CYP2C18: variants seen among roughly 807,000 people sequenced by gnomAD.
The protein encoded by CYP2C18 is cytochrome P450 family 2 subfamily C member 18, also known as cytochrome P450 2C18.
A neutral mutation model predicts 41.3 loss-of-function variants in CYP2C18; 38 were observed. That is an observed-to-expected ratio of 0.92 (90% confidence interval 0.71 to 1.21). The LOEUF (loss-of-function observed/expected upper bound fraction) is 1.21. Ranked by LOEUF, CYP2C18 falls within the 50% of genes most tolerant of loss-of-function variation. The pLI, the probability that CYP2C18 is intolerant of heterozygous loss-of-function variation, is 0.00. For synonymous variants in CYP2C18, 236 were observed against 210.0 expected (o/e 1.12, Z -1.07); for missense variants, 635 against 591.4 (o/e 1.07, Z -0.77).
chr10:94,713,589 A>G (rs1177200562), intron 5 of CYP2C18, among the ~76,000 whole-genome samples: 1 of 152,198 alleles, frequency 6.6e-6, no homozygotes, highest in African/African-American at 2.4e-5. Flanking sequence ...ACTGATGGAC[A>G]TTTGGGTTGG....
chr10:94,716,173 T>C (rs1465116968), intron 5 of CYP2C18, among the ~76,000 whole-genome samples: 2 of 152,190 alleles, frequency 1.3e-5, no homozygotes, highest in African/African-American at 4.8e-5. Flanking sequence ...TTTTTGTGTC[T>C]CTATCTCCTT....
At chr10:94,698,222 T>C (rs1847160827) in intron 4 of CYP2C18, among the ~76,000 whole-genome samples, 1 of 152,180 alleles carries the variant, frequency 6.6e-6, no homozygotes, top group Non-Finnish European at 1.5e-5. Context: ...ATTGACCACA[T>C]AGTTGGAAGT....
intron 4 of CYP2C18, 51 bp from the exon 5 acceptor site, chr10:94,706,733 T>G (rs558824480): frequency 9.7e-7 from 1 of 1,031,386 alleles, no homozygotes; most frequent in Admixed American, 2.6e-5. Context: ...ACTTATGGCA[T>G]ATGTCTTCAA....
chr10:94,687,287 A>G, intron 1 of CYP2C18, among the ~76,000 whole-genome samples: 1 of 152,148 alleles, frequency 6.6e-6, no homozygotes, highest in Non-Finnish European at 1.5e-5. Context: ...AGTATTGATG[A>G]CAGGACTCCT....
In CYP2C18 at chr10:94,687,834, A is replaced by G. The variant is rs1846918723; in HGVS notation, c.233A>G (p.His78Arg). Residue 78 changes from histidine to arginine, a missense_variant, in exon 2 of 9, where the codon CAT becomes CGT. His to Arg is a conservative substitution (Grantham distance 29, BLOSUM62 0). Transcript: ENST00000285979. ...GGCCTGAAGCCCATTGTGGTGTTGC[A>G]TGGATATGAAGCAGTGAAGGAGGCC... is the stretch of plus-strand genomic sequence containing the variant. ...YFGLKPIVVL[H>R]GYEAVKEALI... is the part of the protein sequence containing the mutation. 1.9e-6 allele frequency: 3 copies of G among 1,613,708 alleles called. No homozygotes were observed. Among genetic ancestry groups the G allele is most frequent in the Admixed American group, 3.3e-5 (2 of 59,962 alleles).
chr10:94,709,089 C>T (rs991732359), intron 5 of CYP2C18, among the ~76,000 whole-genome samples: 1 of 152,104 alleles, frequency 6.6e-6, no homozygotes, highest in African/African-American at 2.4e-5. Context: ...ATATACTTGG[C>T]TGCAGAATTG....
intron 4 of CYP2C18, among the ~76,000 whole-genome samples, chr10:94,700,725 C>G (rs1847222424): frequency 6.6e-6 from 1 of 152,194 alleles, no homozygotes. Context: ...ATCTACTCAT[C>G]TGACAAAAGG....
chr10:94,731,255 C>T (rs529839648), intron 7 of CYP2C18, among the ~76,000 whole-genome samples: 10 of 152,206 alleles, frequency 6.6e-5, no homozygotes, highest in African/African-American at 2.4e-4. Flanking sequence ...TGGCAAGTGC[C>T]TGTAGTCCCA....
rs181238238 is a variant in CYP2C18 at position 94,719,381 on chromosome 10, C to T, written c.820-1015C>T. 5.3e-5 allele frequency among the ~76,000 whole-genome samples: 8 copies of T among 151,880 alleles called. No homozygotes were observed. In the South Asian group the frequency reaches 1.0e-3, roughly 20 times the overall value. ...AGGTGCCTGCCATTTTTGATCCCCA[C>T]GCTTACAACATGAACCTTCATCTTG... On this transcript the variant is annotated intron_variant, in intron 5 of 8. Coordinates refer to ENST00000285979, the MANE Select transcript of CYP2C18 (RefSeq NM_000772.3).
intron 1 of CYP2C18, among the ~76,000 whole-genome samples, chr10:94,684,896 G>A (rs890307130): frequency 1.3e-5 from 2 of 152,020 alleles, no homozygotes; most frequent in African/African-American, 4.8e-5. Context: ...TATGAGTTGT[G>A]ATGAGTTATC....
At chr10:94,694,845 T>C in intron 3 of CYP2C18, 72 bp from the exon 4 acceptor site, 1 of 1,510,948 alleles carries the variant, frequency 6.6e-7, no homozygotes, top group Non-Finnish European at 9.0e-7. Flanking sequence ...AAAAATACTT[T>C]TTCCTGTATC....
At chr10:94,699,072 C>G (rs1198626272) in intron 4 of CYP2C18, among the ~76,000 whole-genome samples, 1 of 152,144 alleles carries the variant, frequency 6.6e-6, no homozygotes, top group African/African-American at 2.4e-5. Context: ...TGGTACCATT[C>G]CTTCTGAAAC....
Position 94,712,008 on chromosome 10 carries a change from A to ATTTTTTTTTTTTTTTTTTTTTTTTTTT in CYP2C18, c.819+5068_819+5069insTTTTTTTTTTTTTTTTTTTTTTTTTTT, listed in dbSNP as rs35672164. Among the ~76,000 whole-genome samples the ATTTTTTTTTTTTTTTTTTTTTTTTTTT allele has an allele frequency of 2.8e-3, 274 of 97,824 alleles. 14 individuals are homozygous for ATTTTTTTTTTTTTTTTTTTTTTTTTTT. The highest frequency in any genetic ancestry group is 7.6e-3 in the South Asian group (18 of 2,374). 64.2% of individuals were successfully genotyped at this position (97,824 alleles called of 152,430 possible). On this transcript the variant is annotated intron_variant, in intron 5 of 8. Transcript: ENST00000285979. ...AGGTGCATGCCACCATGCCCAACTA[A>ATTTTTTTTTTTTTTTTTTTTTTTTTTT]TTTTTTTTTTTTTTTTTTTTGTAGA...
At chr10:94,728,736 T>G in intron 7 of CYP2C18, 3 of 312,832 alleles carry the variant, frequency 9.6e-6, no homozygotes, top group Non-Finnish European at 1.4e-5. Context: ...CAAATTCTCC[T>G]CACTTTTTTT....
intron 5 of CYP2C18, among the ~76,000 whole-genome samples, chr10:94,709,445 T>C (rs1202761237): frequency 6.7e-6 from 1 of 149,528 alleles, no homozygotes; most frequent in Non-Finnish European, 1.5e-5. Flanking sequence ...GTTTTTAAAT[T>C]AGGTTATTAT....
At chr10:94,720,580 A>G in intron 6 of CYP2C18, 43 bp downstream of exon 6, 1 of 1,581,454 alleles carries the variant, frequency 6.3e-7, no homozygotes, top group Non-Finnish European at 8.6e-7. Flanking sequence ...TTCAGAAAAG[A>G]TGTTGGGAAG....
intron 5 of CYP2C18, among the ~76,000 whole-genome samples, chr10:94,712,337 C>G (rs910809833): frequency 1.3e-5 from 2 of 151,900 alleles, no homozygotes; most frequent in African/African-American, 4.8e-5. Context: ...TGACTATCAT[C>G]TCCCCCTTTC....
intron 5 of CYP2C18, among the ~76,000 whole-genome samples, chr10:94,712,127 C>T (rs963412632): frequency 4.7e-5 from 7 of 149,414 alleles, no homozygotes; most frequent in Non-Finnish European, 8.9e-5. Flanking sequence ...GGATTACAGG[C>T]ATGAGCCACC....
intron 3 of CYP2C18, among the ~76,000 whole-genome samples, chr10:94,693,953 G>C (rs1847064613): frequency 6.6e-6 from 1 of 152,136 alleles, no homozygotes; most frequent in Non-Finnish European, 1.5e-5. Context: ...ATAAAAATCA[G>C]GGTAATTTGT....
Sources: allele counts gnomAD v4.1 joint callset (sites outside exome capture counted in the v4.1 genomes callset), GRCh38; gene constraint gnomAD v4.1.1; transcripts MANE v1.5; gene names NCBI Gene and HGNC (gene_info 2026-07-23, HGNC 2026-07-21).